Variants in APC observed in about 807,000 individuals in gnomAD.
APC encodes adenomatous polyposis coli protein.
A neutral mutation model predicts 247.0 loss-of-function variants in APC; 72 were observed. The observed-to-expected ratio is 0.29, with a 90% CI of 0.24 to 0.35. The LOEUF (loss-of-function observed/expected upper bound fraction) is 0.35, where lower values mean the gene tolerates loss of function less well. Among genes scored for constraint, APC ranks in the 10% least tolerant of loss-of-function variants. The pLI, the probability that APC is intolerant of heterozygous loss-of-function variation, is 1.00. For missense variants in APC, 3,400 were observed against 3,360.7 expected, an observed-to-expected ratio of 1.01 and a Z score of -0.29; for synonymous variants, 1,254 against 1,162.5, an observed-to-expected ratio of 1.08 and a Z score of -1.60.
intron 2 of APC, among the ~76,000 whole-genome samples, chr5:112,758,862 C>A: frequency 6.6e-6 from 1 of 152,178 alleles, no homozygotes; most frequent in South Asian, 2.1e-4. Context: ...CTCGGCCTCT[C>A]AAAGTACTGG....
chr5:112,815,405 C>A (rs1762393288), intron 8 of APC, 90 bp from the exon 9 acceptor site: 2 of 904,800 alleles, frequency 2.2e-6, no homozygotes, highest in Non-Finnish European at 3.6e-6. Flanking sequence ...GTTTATCATA[C>A]AGACACTTCA....
In APC at chr5:112,845,867, G is replaced by T. The variant is rs945446306; in HGVS notation, c.*1741G>T. The stretch of plus-strand genomic sequence containing the variant: ...TTTAGTGATAAGATTCATACACTCT[G>T]TATTTGGGGAGGGAAAACCTTTTTA... On this transcript the variant is annotated 3_prime_UTR_variant, in exon 16 of 16. Transcript: ENST00000257430. 2 of 232,116 alleles carry T rather than the reference G, an allele frequency of 8.6e-6. No individual in the cohort carries two copies. The highest frequency in any genetic ancestry group is 1.7e-5 in the Non-Finnish European group (2 of 117,486). The allele number at this position is 232,116 out of a possible 1,614,324, so 14.4% of individuals were successfully genotyped here.
intron 1 of APC, among the ~76,000 whole-genome samples, chr5:112,739,237 C>CA (rs1752693130): frequency 6.6e-6 from 1 of 151,826 alleles, no homozygotes; most frequent in African/African-American, 2.4e-5. Context: ...TTTCATTGAG[C>CA]TTTTTTTTCC....
intron 6 of APC, among the ~76,000 whole-genome samples, chr5:112,784,717 A>G (rs551730762): frequency 6.6e-6 from 1 of 152,324 alleles, no homozygotes; most frequent in African/African-American, 2.4e-5. Context: ...GCTATGAGAA[A>G]AAATATGGGA....
chr5:112,719,596 G>A (rs893946067), intron 1 of APC, among the ~76,000 whole-genome samples: 23 of 148,180 alleles, frequency 1.6e-4, no homozygotes, highest in Admixed American at 1.3e-3. Context: ...CTGGAGTGGC[G>A]TGATCTCCAC....
intron 10 of APC, among the ~76,000 whole-genome samples, chr5:112,820,987 G>T (rs1763067252): frequency 6.6e-6 from 1 of 151,358 alleles, no homozygotes; most frequent in African/African-American, 2.4e-5. Context: ...TCAGCCTCCT[G>T]AGAGTATCTG....
Position 112,842,226 on chromosome 5 carries a change from G to A in APC, c.6632G>A (p.Gly2211Asp), listed in dbSNP as rs770765557. Residue 2211 changes from glycine to aspartate, a missense_variant, in exon 16 of 16, where the codon GGC becomes GAC. Transcript: ENST00000257430. Reference sequence around the variant, plus strand: ...GTTCGATCTAATTCAGAAATTTCAGGCCAAATGAAACAGCCCCTTCAAGCA... The same window carrying A: ...GTTCGATCTAATTCAGAAATTTCAGACCAAATGAAACAGCCCCTTCAAGCA... Reference protein sequence around the residue: ...GKVRSNSEISGQMKQPLQANM... With the variant: ...GKVRSNSEISDQMKQPLQANM... The A allele has an allele frequency of 1.2e-6, 2 of 1,613,828 alleles. No homozygotes were observed. Among genetic ancestry groups the A allele is most frequent in the Non-Finnish European group, 1.7e-6 (2 of 1,179,800 alleles).
intron 1 of APC, among the ~76,000 whole-genome samples, chr5:112,742,987 T>C (rs1002886546): frequency 1.3e-5 from 2 of 152,232 alleles, no homozygotes; most frequent in African/African-American, 4.8e-5. Flanking sequence ...CACAAATGTA[T>C]TATCTTGCAG....
intron 14 of APC, among the ~76,000 whole-genome samples, chr5:112,831,482 AATTT>A (rs746182614): frequency 1.3e-5 from 2 of 152,266 alleles, no homozygotes; most frequent in African/African-American, 4.8e-5. Flanking sequence ...GCAGTATTAG[AATTT>A]ATTTATTTTT....
chr5:112,810,456 A>G lies in APC; in HGVS notation c.835-5039A>G, dbSNP rs562421808. The G allele has an allele frequency of 3.8e-5, 7 of 185,890 alleles. No homozygotes were observed. In the South Asian group the frequency reaches 7.1e-4, roughly 19 times the overall value. The allele number at this position is 185,890 out of a possible 1,614,324, so 11.5% of individuals were successfully genotyped here. A position where few individuals can be genotyped will look rare whatever the true frequency, so the allele number is the denominator to read the frequency against. ...ATACAAAATGAGGCATATCAAAAATAGCCAAAGAAAGGAGAGCTGACAAGG... is the reference window on the plus strand; with the variant it reads ...ATACAAAATGAGGCATATCAAAAATGGCCAAAGAAAGGAGAGCTGACAAGG... On this transcript the variant is annotated intron_variant, in intron 8 of 15. Coordinates refer to ENST00000257430, the MANE Select transcript of APC (RefSeq NM_000038.6).
intron 1 of APC, among the ~76,000 whole-genome samples, chr5:112,709,164 C>G (rs568388644): frequency 6.6e-6 from 1 of 152,278 alleles, no homozygotes; most frequent in Non-Finnish European, 1.5e-5. Flanking sequence ...TAGATGTTCT[C>G]CAAAGTTGTT....
At position 112,843,363 on chromosome 5, in the gene APC, A is replaced by C; in HGVS notation, c.7769A>C (p.Lys2590Thr). The C allele has an allele frequency of 6.2e-7, 1 of 1,613,924 alleles. No homozygotes were observed. Among genetic ancestry groups the C allele is most frequent in the Non-Finnish European group, 8.5e-7 (1 of 1,179,860 alleles). The change falls in exon 16 of 16, where the codon AAA becomes ACA. Residue 2590 changes from lysine (K) to threonine (T), a missense_variant. Lys to Thr is a moderately conservative substitution (Grantham distance 78). Around this residue, in one of 9 missense-constraint regions of APC, gnomAD observed 1,788 missense variants for 1,649.5 expected, o/e 1.08. Coordinates refer to ENST00000257430, the MANE Select transcript of APC (RefSeq NM_000038.6). This position sits in a 1 kb window ranked among gnomAD's most constrained non-coding sequence, Gnocchi z 4.8. ...GAAAAAGCAAAAAGTGAGGATGAAA[A>C]ACATGTGAACTCTATTTCAGGAACC... ...SSEKAKSEDE[K>T]HVNSISGTKQ...
intron 1 of APC, among the ~76,000 whole-genome samples, chr5:112,717,908 C>CTTTTTTTTTGTTTTTT (rs1751265572): frequency 2.5e-5 from 1 of 40,634 alleles, no homozygotes; most frequent in Non-Finnish European, 4.5e-5. Context: ...TTTTCTTTTT[C>CTTTTTTTTTGTTTTTT]TTTTTTTTTT....
At chr5:112,719,354 A>T (rs1253515046) in intron 1 of APC, among the ~76,000 whole-genome samples, 1 of 151,632 alleles carries the variant, frequency 6.6e-6, no homozygotes, top group Non-Finnish European at 1.5e-5. Context: ...AGTAGCTGGG[A>T]TTACAGGTGT....
Position 112,767,408 on chromosome 5 carries a change from A to G in APC, c.422+18A>G, listed in dbSNP as rs762307144. 1.3e-6 allele frequency: 2 copies of G among 1,580,992 alleles called. No homozygotes were observed. The highest frequency in any genetic ancestry group is 1.7e-6 in the Non-Finnish European group (2 of 1,149,866). ...AAAGAGAGGTAACTTTTCTTCATAT[A>G]GTAAACATTGCCTTGTGTACTCCAG... On this transcript the variant is annotated intron_variant, in intron 4 of 15. Coordinates refer to ENST00000257430, the MANE Select transcript of APC (RefSeq NM_000038.6).
chr5:112,781,164 C>G (rs1469057435), intron 6 of APC, among the ~76,000 whole-genome samples: 1 of 152,114 alleles, frequency 6.6e-6, no homozygotes, highest in Non-Finnish European at 1.5e-5. Context: ...AGATGGTGGT[C>G]TTCCGGTAGC....
chr5:112,827,758 A>G (rs1244511650), intron 12 of APC, among the ~76,000 whole-genome samples, 171 bp from the exon 13 acceptor site: 1 of 152,232 alleles, frequency 6.6e-6, no homozygotes, highest in African/African-American at 2.4e-5. Flanking sequence ...AAGAATTAGG[A>G]GAATATTTGT....
chr5:112,790,247 G>C (rs1158201857), intron 6 of APC, among the ~76,000 whole-genome samples: 1 of 152,074 alleles, frequency 6.6e-6, no homozygotes, highest in Non-Finnish European at 1.5e-5. Flanking sequence ...AAAGAAAAGA[G>C]GGAGAAAATT....
At chr5:112,794,709 C>G (rs539030410) in intron 7 of APC, among the ~76,000 whole-genome samples, 2 of 152,282 alleles carry the variant, frequency 1.3e-5, no homozygotes, top group African/African-American at 4.8e-5. Flanking sequence ...CTTCACAAGA[C>G]TGCTCCCACC....
Sources: gnomAD v4.1 joint callset for allele counts (sites outside exome capture counted in the v4.1 genomes callset) on GRCh38, gnomAD v4.1.1 for gene constraint, gnomAD v4.1.1 regional missense constraint, Gnocchi (gnomAD v3.1) non-coding constraint, MANE v1.5 for transcripts, NCBI Gene and HGNC (gene_info 2026-07-23, HGNC 2026-07-21) for gene names.